The following SERPINB13 variants were observed in gnomAD, a reference collection of about 807,000 sequenced individuals.
SERPINB13 encodes the protein serpin B13.
A neutral mutation model predicts 31.2 loss-of-function variants in SERPINB13; 26 were observed. The observed-to-expected ratio is 0.83, with a 90% CI of 0.61 to 1.15. The LOEUF is 1.15. SERPINB13 is among the 50% of genes most tolerant of loss of function. The pLI is 0.00. For synonymous variants in SERPINB13, 191 were observed against 172.4 expected, an observed-to-expected ratio of 1.11 and a Z score of -0.85; for missense variants, 510 against 469.4, an observed-to-expected ratio of 1.09 and a Z score of -0.80.
chr18:63,592,507 GT>G, intron 4 of SERPINB13, 31 bp downstream of exon 4: 2 of 1,606,876 alleles, frequency 1.2e-6, no homozygotes, highest in South Asian at 1.1e-5. Flanking sequence ...ATATCTGTGA[GT>G]GGTATTCTGG....
chr18:63,588,902 T>C (rs919021858), intron 2 of SERPINB13, 70 bp downstream of exon 2: 16 of 1,471,288 alleles, frequency 1.1e-5, no homozygotes, highest in Admixed American at 1.1e-4. Context: ...TTGTCAGCCC[T>C]CTTGCATTAT....
chr18:63,592,364 C>G lies in SERPINB13; in HGVS notation c.242C>G (p.Ala81Gly), dbSNP rs769342090. The change falls in exon 4 of 8, where the codon GCA becomes GGA. Residue 81 changes from alanine (A) to glycine (G), a missense_variant. Ala to Gly is a moderately conservative substitution (Grantham distance 60, BLOSUM62 0). Coordinates refer to ENST00000344731, the MANE Select transcript of SERPINB13 (RefSeq NM_012397.4). ...ATTTTCAAGATTGAGAACACAGAAG[C>G]AGTACATCAACAATTCCAAAAGTTT... ...EEKEVIENTEAVHQQFQKFLT... is the reference protein window; with the variant it reads ...EEKEVIENTEGVHQQFQKFLT... 1 of 1,610,458 alleles carries G rather than the reference C, an allele frequency of 6.2e-7. No individual in the cohort carries two copies. The highest frequency in any genetic ancestry group is 1.7e-5 in the Admixed American group (1 of 59,516).
intron 7 of SERPINB13, among the ~76,000 whole-genome samples, chr18:63,596,128 G>A (rs1021549615): frequency 4.6e-5 from 7 of 152,048 alleles, no homozygotes; most frequent in African/African-American, 7.2e-5. Context: ...TTAGAGAAAC[G>A]TAGCCTAGAA....
rs1911583766 is a variant in SERPINB13 at position 63,587,523 on chromosome 18, T to C, written c.-18+73T>C. 6.6e-6 allele frequency: 3 copies of C among 453,580 alleles called. No individual in the cohort carries two copies. The Admixed American group carries it at 8.0e-5, about 12-fold the overall frequency. 28.1% of individuals were successfully genotyped at this position (453,580 alleles called of 1,614,324 possible). On this transcript the variant is annotated intron_variant, in intron 1 of 7. Coordinates refer to ENST00000344731, the MANE Select transcript of SERPINB13 (RefSeq NM_012397.4). ...CAATGATGTTTGTTGTTTGAAAGAATTACTTTTATTTTGCATAGACTTTCT... is the reference window on the plus strand; with the variant it reads ...CAATGATGTTTGTTGTTTGAAAGAACTACTTTTATTTTGCATAGACTTTCT...
Position 63,598,190 on chromosome 18 carries a change from A to G in SERPINB13, c.*827A>G, listed in dbSNP as rs972557672. On this transcript the variant is annotated 3_prime_UTR_variant, in exon 8 of 8. Coordinates refer to ENST00000344731, the MANE Select transcript of SERPINB13 (RefSeq NM_012397.4). ...GAAGATGCTTTTTGGAAAGCTCTGAATCTATACCTAATGCTCTTAATTATT... is the reference window on the plus strand; with the variant it reads ...GAAGATGCTTTTTGGAAAGCTCTGAGTCTATACCTAATGCTCTTAATTATT... 2 of 151,528 alleles carry G rather than the reference A, an allele frequency of 1.3e-5. No individual in the cohort carries two copies. Among genetic ancestry groups the G allele is most frequent in the Non-Finnish European group, 1.5e-5 (1 of 67,928 alleles). 9.4% of individuals were successfully genotyped at this position (151,528 alleles called of 1,614,324 possible).
At chr18:63,594,140 A>C in intron 5 of SERPINB13, 1 of 1,460,222 alleles carries the variant, frequency 6.8e-7, no homozygotes, top group Non-Finnish European at 9.2e-7. Context: ...ACTCTTAACC[A>C]TGAACCTTAA....
intron 1 of SERPINB13, among the ~76,000 whole-genome samples, chr18:63,587,756 TA>T (rs1189206471): frequency 6.6e-6 from 1 of 152,262 alleles, no homozygotes; most frequent in Non-Finnish European, 1.5e-5. Context: ...ATGTGGGCTT[TA>T]AAAAACTTTA....
At chr18:63,596,816 T>A (rs2144413282) in intron 7 of SERPINB13, 143 bp from the exon 8 acceptor site, 4 of 640,758 alleles carry the variant, frequency 6.2e-6, no homozygotes, top group East Asian at 5.6e-5. Flanking sequence ...GCCTGCAGTA[T>A]AAAGACAACA....
rs143447794 is a variant in SERPINB13, at chr18:63,588,727, G to A, written c.60G>A (p.Lys20=). The change falls in exon 2 of 8, where the codon AAG becomes AAA. Residue 20 remains lysine, a synonymous_variant. Transcript: ENST00000344731. ...GGTTTGATCTTTTCAAAGAGCTGAA[G>A]AAAACAAATGATGGCAACATCTTCT... ...RLGFDLFKEL[K]KTNDGNIFFS... is the part of the protein sequence containing the mutation. The A allele has an allele frequency of 4.3e-6, 7 of 1,614,066 alleles. No individual in the cohort carries two copies. The highest frequency in any genetic ancestry group is 1.3e-5 in the African/African-American group (1 of 74,932).
In SERPINB13 at chr18:63,597,343, G is replaced by T. The variant is rs1032618095; in HGVS notation, c.1156G>T (p.Gly386Cys). 3.7e-6 allele frequency: 6 copies of T among 1,612,446 alleles called. No individual in the cohort carries two copies. In the African/African-American group the frequency reaches 8.0e-5, roughly 22 times the overall value. Reference sequence around the variant, plus strand: ...TGAATCCAACAGCATCCTCTTCTTCGGCAGATTTTCTTCTCCTTAAGATGA... The same window carrying T: ...TGAATCCAACAGCATCCTCTTCTTCTGCAGATTTTCTTCTCCTTAAGATGA... ...HNESNSILFF[G>C]RFSSP Residue 386 changes from glycine (G) to cysteine (C), a missense_variant, in exon 8 of 8, where the codon GGC becomes TGC. Gly to Cys is a radical substitution (Grantham distance 159). Transcript: ENST00000344731.
At position 63,595,272 on chromosome 18, in the gene SERPINB13, G is replaced by A. The variant is rs537893584; in HGVS notation, c.771+88G>A. On this transcript the variant is annotated intron_variant, in intron 7 of 7. Transcript: ENST00000344731. Reference sequence around the variant, plus strand: ...TGAGTAGGAGCTGGTGGCCAGCAGTGTCAAATAGAAAGTGTTTCTCACTCT... The same window carrying A: ...TGAGTAGGAGCTGGTGGCCAGCAGTATCAAATAGAAAGTGTTTCTCACTCT... 48 of 1,357,622 alleles carry A rather than the reference G, an allele frequency of 3.5e-5. No homozygotes were observed. In the African/African-American group the frequency reaches 6.7e-4, roughly 19 times the overall value. 84.1% of individuals were successfully genotyped at this position (1,357,622 alleles called of 1,614,324 possible). A position where few individuals can be genotyped will look rare whatever the true frequency, so the allele number is the denominator to read the frequency against.
chr18:63,593,100 C>T, intron 5 of SERPINB13, 129 bp downstream of exon 5: 2 of 636,192 alleles, frequency 3.1e-6, no homozygotes, highest in South Asian at 2.1e-5. Flanking sequence ...CCATGCAGTG[C>T]ACAAGCTTTG....
At chr18:63,594,170 A>T (rs1244049235) in intron 5 of SERPINB13, 185 bp from the exon 6 acceptor site, 8 of 1,505,880 alleles carry the variant, frequency 5.3e-6, no homozygotes, top group South Asian at 1.2e-5. Flanking sequence ...TGGGATAAAT[A>T]GGCGATGGGC....
Position 63,597,221 on chromosome 18 carries a change from C to A in SERPINB13, c.1034C>A (p.Ala345Asp). The A allele has an allele frequency of 6.2e-7, 1 of 1,614,214 alleles. No homozygotes were observed. Among genetic ancestry groups the A allele is most frequent in the South Asian group, 1.1e-5 (1 of 91,092 alleles). ...FVAVTEEGTE[A>D]AAATGIGFTV... ...GCAGTAACTGAGGAAGGCACCGAGG[C>A]TGCAGCTGCCACCGGCATAGGCTTT... Residue 345 changes from alanine (A) to aspartate (D), a missense_variant, in exon 8 of 8, where the codon GCT becomes GAT. Physicochemically the swap from Ala to Asp is moderately radical, Grantham distance 126. Transcript: ENST00000344731.
intron 5 of SERPINB13, among the ~76,000 whole-genome samples, chr18:63,593,863 AGTAATCCCTTAATCTCAGGTG>A (rs1400518255): frequency 6.6e-6 from 1 of 152,250 alleles, no homozygotes; most frequent in Non-Finnish European, 1.5e-5. Context: ...CAATATAATA[AGTAATCCCTTAATCTCAGGTG>A]GTAACTATAT....
chr18:63,597,216 C>T lies in SERPINB13; in HGVS notation c.1029C>T (p.Thr343=), dbSNP rs746415828. 1.2e-6 allele frequency: 2 copies of T among 1,614,160 alleles called. No homozygotes were observed. Among genetic ancestry groups the T allele is most frequent in the South Asian group, 1.1e-5 (1 of 91,084 alleles). ...TTGTGGCAGTAACTGAGGAAGGCAC[C>T]GAGGCTGCAGCTGCCACCGGCATAG... is the stretch of plus-strand genomic sequence containing the variant. ...SSFVAVTEEG[T]EAAAATGIGF... is the part of the protein sequence containing the mutation. Residue 343 remains threonine (T), a synonymous_variant, in exon 8 of 8, where the codon ACC becomes ACT. Transcript: ENST00000344731.
chr18:63,592,221 C>T, intron 3 of SERPINB13, 127 bp from the exon 4 acceptor site: 2 of 1,030,732 alleles, frequency 1.9e-6, no homozygotes, highest in South Asian at 3.9e-5. Flanking sequence ...GGGGCCACAT[C>T]AAACACAGGG....
chr18:63,588,695 C>G lies in SERPINB13; in HGVS notation c.28C>G (p.Arg10Gly). 1.2e-6 allele frequency: 2 copies of G among 1,614,176 alleles called. No homozygotes were observed. The highest frequency in any genetic ancestry group is 1.7e-6 in the Non-Finnish European group (2 of 1,180,016). ...GGATTCACTTGGCGCCGTCAGCACT[C>G]GACTTGGGTTTGATCTTTTCAAAGA... MDSLGAVST[R>G]LGFDLFKELK... is the part of the protein sequence containing the mutation. Residue 10 changes from arginine to glycine, a missense_variant, in exon 2 of 8, where the codon CGA becomes GGA. Arg to Gly is a moderately radical substitution (Grantham distance 125, BLOSUM62 -2). Transcript: ENST00000344731.
At position 63,597,246 on chromosome 18, in the gene SERPINB13, T is replaced by C. The variant is rs1369365337; in HGVS notation, c.1059T>C (p.Phe353=). The C allele has an allele frequency of 3.7e-6, 6 of 1,614,238 alleles. No individual in the cohort carries two copies. The highest frequency in any genetic ancestry group is 5.1e-6 in the Non-Finnish European group (6 of 1,180,034). The change falls in exon 8 of 8, where the codon TTT becomes TTC. Residue 353 remains phenylalanine, a synonymous_variant. Transcript: ENST00000344731. ...CTGCAGCTGCCACCGGCATAGGCTTTACTGTCACATCCGCCCCAGGTCATG... is the reference window on the plus strand; with the variant it reads ...CTGCAGCTGCCACCGGCATAGGCTTCACTGTCACATCCGCCCCAGGTCATG... ...TEAAAATGIG[F]TVTSAPGHEN... is the part of the protein sequence containing the mutation.
Sources: allele counts gnomAD v4.1 joint callset (sites outside exome capture counted in the v4.1 genomes callset), GRCh38; gene constraint gnomAD v4.1.1; transcripts MANE v1.5; gene names NCBI Gene and HGNC (gene_info 2026-07-23, HGNC 2026-07-21).